The following DOCK6 variants were observed in gnomAD, a reference collection of about 807,000 sequenced individuals.
DOCK6 encodes the protein dedicator of cytokinesis 6.
DOCK6 carries 167 observed loss-of-function variants against 230.3 expected under a neutral mutation model. The ratio of observed to expected loss-of-function variants is 0.73; its 90% CI spans 0.64 to 0.82. The LOEUF (loss-of-function observed/expected upper bound fraction) is 0.82, where lower values mean the gene tolerates loss of function less well. Among genes scored for constraint, DOCK6 ranks in the 40% least tolerant of loss-of-function variants. The probability of loss-of-function intolerance (pLI) is 0.00; values close to 1 mark genes in which losing one functional copy is unlikely to be tolerated. For synonymous variants in DOCK6, 1,148 were observed against 1,185.0 expected (o/e 0.97, Z 0.64); for missense variants, 2,598 against 2,825.8 (o/e 0.92, Z 1.83).
intron 1 of DOCK6, among the ~76,000 whole-genome samples, chr19:11,261,114 G>A (rs2080280466): frequency 6.6e-6 from 1 of 151,792 alleles, no homozygotes; most frequent in Admixed American, 6.6e-5. Flanking sequence ...CTCACCTGGG[G>A]TCCAAAGTCA....
chr19:11,215,722 G>A, intron 31 of DOCK6, 79 bp downstream of exon 31: 1 of 1,598,314 alleles, frequency 6.3e-7, no homozygotes, highest in South Asian at 1.1e-5. Flanking sequence ...GCTAGGGATG[G>A]CCCCCTTCAT....
intron 39 of DOCK6, chr19:11,208,185 ATGTATGTAAGGCTTGCTATATCAGGCC>A (rs1305505379): frequency 6.6e-6 from 1 of 152,608 alleles, no homozygotes; most frequent in Non-Finnish European, 1.5e-5. Flanking sequence ...AGCATCTCTA[ATGTATGTAAGGCTTGCTATATCAGGCC>A]TGCATCAAGG....
intron 36 of DOCK6, 56 bp from the exon 37 acceptor site, chr19:11,211,932 A>C (rs1329877897): frequency 6.5e-7 from 1 of 1,549,044 alleles, no homozygotes; most frequent in African/African-American, 1.4e-5. Context: ...GAAGGGAGCC[A>C]AGGTGGTGGG....
Position 11,214,544 on chromosome 19 carries a change from A to G in DOCK6, c.4203+9T>C. 3 of 1,613,884 alleles carry G rather than the reference A, an allele frequency of 1.9e-6. No individual in the cohort carries two copies. Among genetic ancestry groups the G allele is most frequent in the Non-Finnish European group, 2.5e-6 (3 of 1,179,860 alleles). On this transcript the variant is annotated intron_variant, in intron 33 of 47. Transcript: ENST00000294618. ...CAGAGCACAAGGCAGATGCTGGATC[A>G]AGCCCTACCTGCACGATGATCTCCA...
chr19:11,247,925 C>T, intron 7 of DOCK6, 141 bp downstream of exon 7: 1 of 659,228 alleles, frequency 1.5e-6, no homozygotes, highest in South Asian at 1.8e-5. Context: ...TCTTCCTTCC[C>T]CCATAAAAGC....
At position 11,212,649 on chromosome 19, in the gene DOCK6, G is replaced by A. The variant is rs528099805; in HGVS notation, c.4492-498C>T. On this transcript the variant is annotated intron_variant, in intron 35 of 47. Coordinates refer to ENST00000294618, the MANE Select transcript of DOCK6 (RefSeq NM_020812.4). ...GCAATCTTGGCTCACTGCAACCTCC[G>A]CCTCTCAGGTTCAAGCGATTCTCGT... 1.7e-4 allele frequency among the ~76,000 whole-genome samples: 25 copies of A among 145,112 alleles called. No homozygotes were observed. The South Asian group carries it at 4.6e-3, about 27-fold the overall frequency.
Position 11,204,265 on chromosome 19 carries a change from C to CA in DOCK6, c.5154dup (p.Asp1719Ter), listed in dbSNP as rs765934075. 3 of 1,602,066 alleles carry CA rather than the reference C, an allele frequency of 1.9e-6. No homozygotes were observed. Among genetic ancestry groups the CA allele is most frequent in the East Asian group, 2.2e-5 (1 of 44,568 alleles). ...TGCACCGCGGCCAGCTTCTTGTAGT[C>CA]ACGGTGGGCTTCCAGGATGGGGATG... On this transcript the variant is annotated frameshift_variant, in exon 40 of 48. Coordinates refer to ENST00000294618, the MANE Select transcript of DOCK6 (RefSeq NM_020812.4). LOFTEE classifies it high-confidence loss of function.
chr19:11,238,511 C>G, intron 14 of DOCK6: 1 of 577,342 alleles, frequency 1.7e-6, no homozygotes, highest in East Asian at 2.8e-5. Flanking sequence ...GACAAGCGAG[C>G]ACCCTAAAAA....
rs1450130125 is a variant in DOCK6, at chr19:11,201,467, G to A, written c.5689-415C>T. Among the ~76,000 whole-genome samples the A allele has an allele frequency of 2.0e-5, 3 of 151,674 alleles. No homozygotes were observed. Among genetic ancestry groups the A allele is most frequent in the Non-Finnish European group, 4.4e-5 (3 of 67,900 alleles). On this transcript the variant is annotated intron_variant, in intron 44 of 47. Coordinates refer to ENST00000294618, the MANE Select transcript of DOCK6 (RefSeq NM_020812.4). The surrounding 1 kb of genome is among the most constrained non-coding windows in gnomAD (Gnocchi z 4.3). ...GAGTCCCTGTGCCTCCCCTTTGTGA[G>A]TCTAGAATCCCTGGGTCCTCCTGGG...
At chr19:11,227,606 TG>T in intron 23 of DOCK6, 129 bp from the exon 24 acceptor site, 1 of 1,152,320 alleles carries the variant, frequency 8.7e-7, no homozygotes, top group South Asian at 1.6e-5. Context: ...TGAAGGGCTG[TG>T]GGTGGAGGAG....
chr19:11,235,708 A>G lies in DOCK6; in HGVS notation c.2444T>C (p.Val815Ala). The change falls in exon 21 of 48, where the codon GTT becomes GCT. Residue 815 changes from valine (V) to alanine (A), a missense_variant. Physicochemically the swap from Val to Ala is moderately conservative, Grantham distance 64. Coordinates refer to ENST00000294618, the MANE Select transcript of DOCK6 (RefSeq NM_020812.4). ...FEAMAHVVSLVHRSLEAAQDA... is the reference protein window; with the variant it reads ...FEAMAHVVSLAHRSLEAAQDA... ...CTGGGCTGCCTCCAGGCTCCGGTGA[A>G]CAAGGCTGACTACATGGGCCATTGC... The G allele has an allele frequency of 6.2e-7, 1 of 1,600,478 alleles. No individual in the cohort carries two copies. The highest frequency in any genetic ancestry group is 8.5e-7 in the Non-Finnish European group (1 of 1,173,262).
rs1022413840 is a variant in DOCK6, at chr19:11,261,857, G to T, written c.44+540C>A. Among the ~76,000 whole-genome samples the T allele has an allele frequency of 7.3e-5, 11 of 150,788 alleles. 1 individual carries two copies. The stretch of plus-strand genomic sequence containing the variant: ...CTGTCCCCCTTCCCCCCCCCCGACA[G>T]CTGGGCACTGGACCCTGGAGGGGGA... On this transcript the variant is annotated intron_variant, in intron 1 of 47. Coordinates refer to ENST00000294618, the MANE Select transcript of DOCK6 (RefSeq NM_020812.4).
Position 11,236,717 on chromosome 19 carries a change from C to T in DOCK6, c.2160+76G>A, listed in dbSNP as rs892264084. On this transcript the variant is annotated intron_variant, in intron 19 of 47. Coordinates refer to ENST00000294618, the MANE Select transcript of DOCK6 (RefSeq NM_020812.4). The surrounding 1 kb of genome is among the most constrained non-coding windows in gnomAD (Gnocchi z 5.2). The stretch of plus-strand genomic sequence containing the variant: ...CCTGAGGCCAGACCTCCCCGGCCAT[C>T]GGCAACTGTTACTCAATCGTAGGGC... 164 of 1,531,422 alleles carry T rather than the reference C, an allele frequency of 1.1e-4. No individual in the cohort carries two copies. Among genetic ancestry groups the T allele is most frequent in the Non-Finnish European group, 1.2e-4 (139 of 1,130,326 alleles). The allele number at this position is 1,531,422 out of a possible 1,614,324, so 94.9% of individuals were successfully genotyped here.
At chr19:11,212,221 A>T in intron 35 of DOCK6, 70 bp from the exon 36 acceptor site, 2 of 1,541,048 alleles carry the variant, frequency 1.3e-6, no homozygotes, top group Non-Finnish European at 1.7e-6. Context: ...GAGTCTGCTC[A>T]ACCTGCCGAC....
chr19:11,238,502 A>C (rs191735875), intron 14 of DOCK6, 198 bp from the exon 15 acceptor site: 1 of 585,206 alleles, frequency 1.7e-6, no homozygotes, highest in African/African-American at 1.9e-5. Flanking sequence ...AGGGTGGGGG[A>C]CAAGCGAGCA....
chr19:11,204,426 A>C (rs1179192769), intron 39 of DOCK6, 95 bp from the exon 40 acceptor site: 1 of 1,506,352 alleles, frequency 6.6e-7, no homozygotes, highest in African/African-American at 1.4e-5. Context: ...CCGTGCTCCT[A>C]CCCACCCTCC....
At chr19:11,240,423 C>A in intron 14 of DOCK6, 1 of 991,726 alleles carries the variant, frequency 1.0e-6, no homozygotes, top group Non-Finnish European at 1.4e-6. Context: ...CCTGCATGTC[C>A]CCAGACAAAA....
intron 14 of DOCK6, chr19:11,239,633 C>T: frequency 6.2e-7 from 1 of 1,613,732 alleles, no homozygotes; most frequent in Non-Finnish European, 8.5e-7. Flanking sequence ...CTTAGACCCT[C>T]AGTCATGCCA....
intron 34 of DOCK6, among the ~76,000 whole-genome samples, chr19:11,213,678 A>T (rs1014220472): frequency 1.3e-5 from 2 of 151,206 alleles, no homozygotes; most frequent in Non-Finnish European, 2.9e-5. Flanking sequence ...CAGTGGCACA[A>T]TCACAGCTCA....
Sources: allele counts gnomAD v4.1 joint callset (sites outside exome capture counted in the v4.1 genomes callset), GRCh38; gene constraint gnomAD v4.1.1; non-coding constraint Gnocchi (gnomAD v3.1); transcripts MANE v1.5; gene names NCBI Gene and HGNC (gene_info 2026-07-23, HGNC 2026-07-21).